RBFOX3: variants seen among roughly 807,000 people sequenced by gnomAD.
RBFOX3 encodes RNA binding fox-1 homolog 3, also known as RNA binding protein fox-1 homolog 3.
In RBFOX3, 17 loss-of-function variants were observed where a neutral mutation model predicts 48.7. That is an observed-to-expected ratio of 0.35 (90% CI 0.24 to 0.52). RBFOX3 has a LOEUF of 0.52. Among genes scored for constraint, RBFOX3 ranks in the 20% least tolerant of loss-of-function variants. The pLI is 0.94. For missense variants in RBFOX3, 382 were observed against 497.5 expected (o/e 0.77, Z 2.21); for synonymous variants, 212 against 209.5 (o/e 1.01, Z -0.10).
chr17:79,288,483 C>G (rs1228379640), intron 3 of RBFOX3, among the ~76,000 whole-genome samples: 4 of 152,210 alleles, frequency 2.6e-5, no homozygotes, highest in Admixed American at 2.0e-4. Flanking sequence ...TGCAGCCCCC[C>G]CCAGCCCGGC....
At chr17:79,305,017 G>C (rs1004462653) in intron 3 of RBFOX3, among the ~76,000 whole-genome samples, 57 of 152,320 alleles carry the variant, frequency 3.7e-4, no homozygotes, top group African/African-American at 1.3e-3. Flanking sequence ...CCCGTGCTTA[G>C]AGGGCCGGGT....
Position 79,249,578 on chromosome 17 carries a change from C to A in RBFOX3, c.-73-13773G>T, listed in dbSNP as rs9916701. On this transcript the variant is annotated intron_variant, in intron 3 of 14. Transcript: ENST00000693108. The surrounding 1 kb of genome is among the most constrained non-coding windows in gnomAD (Gnocchi z 4.1). Reference sequence around the variant, plus strand: ...GTCCCATGCTCCCGGAGACTGTTTACCTGTCCTAATCACCCCAGAGCCAGG... The same window carrying A: ...GTCCCATGCTCCCGGAGACTGTTTAACTGTCCTAATCACCCCAGAGCCAGG... 0.13 allele frequency among the ~76,000 whole-genome samples: 19,693 copies of A among 152,034 alleles called. 1,777 individuals are homozygous for A. Among genetic ancestry groups the A allele is most frequent in the African/African-American group, 0.26 (10,849 of 41,384 alleles).
chr17:79,508,956 G>C (rs1271207063), intron 1 of RBFOX3: 2 of 152,354 alleles, frequency 1.3e-5, no homozygotes, highest in Non-Finnish European at 2.9e-5. Context: ...GTCCACATCA[G>C]GCTCTCAACC....
intron 4 of RBFOX3, among the ~76,000 whole-genome samples, chr17:79,129,140 G>A (rs1448852566): frequency 6.6e-6 from 1 of 152,182 alleles, no homozygotes; most frequent in Non-Finnish European, 1.5e-5. Context: ...TGCTGCTGCT[G>A]ATGATGATAA....
rs1326645561 is a variant in RBFOX3, at chr17:79,115,919, G to A, written c.-33-171C>T. Among the ~76,000 whole-genome samples the A allele has an allele frequency of 2.6e-5, 4 of 152,298 alleles. No individual in the cohort carries two copies. The South Asian group carries it at 6.2e-4, about 24-fold the overall frequency. On this transcript the variant is annotated intron_variant, in intron 4 of 14. Coordinates refer to ENST00000693108, the MANE Select transcript of RBFOX3 (RefSeq NM_001350451.2). ...ATGGGCACCAGCTCAGAGCAGGAGG[G>A]GGTGCTGCGCTGGGAATGCCGGGGA...
intron 14 of RBFOX3, among the ~76,000 whole-genome samples, chr17:79,093,974 G>C (rs76115454): frequency 2.5e-4 from 38 of 152,248 alleles, no homozygotes; most frequent in African/African-American, 8.7e-4. Flanking sequence ...GAAGCAACCG[G>C]TAACCCACAC....
chr17:79,123,743 T>C (rs538403503), intron 4 of RBFOX3, among the ~76,000 whole-genome samples: 1 of 152,236 alleles, frequency 6.6e-6, no homozygotes, highest in South Asian at 2.1e-4. Flanking sequence ...TGGGCAGCCA[T>C]TCCTATCGCA....
chr17:79,596,568 C>T (rs952214988), intron 1 of RBFOX3, among the ~76,000 whole-genome samples: 105 of 152,338 alleles, frequency 6.9e-4, no homozygotes, highest in African/African-American at 2.2e-3. Flanking sequence ...GCCACAAAGG[C>T]CCCTGCCCCC....
At chr17:79,151,349 A>T (rs2144819455) in intron 4 of RBFOX3, among the ~76,000 whole-genome samples, 1 of 144,108 alleles carries the variant, frequency 6.9e-6, no homozygotes, top group African/African-American at 2.6e-5. Context: ...GGGTCCAGAC[A>T]CGTTCGGTGT....
chr17:79,407,144 A>T (rs1402170914), intron 2 of RBFOX3, among the ~76,000 whole-genome samples: 2 of 152,242 alleles, frequency 1.3e-5, no homozygotes, highest in East Asian at 3.9e-4. Flanking sequence ...AGTAGCTGGG[A>T]CTACAGGCAC....
chr17:79,399,336 C>A (rs2062470199), intron 2 of RBFOX3, among the ~76,000 whole-genome samples: 1 of 152,230 alleles, frequency 6.6e-6, no homozygotes, highest in Admixed American at 6.5e-5. Flanking sequence ...GGCAAAGGTG[C>A]GTGCCCGCAC....
intron 3 of RBFOX3, among the ~76,000 whole-genome samples, chr17:79,251,641 C>T (rs1429145199): frequency 6.6e-6 from 1 of 152,178 alleles, no homozygotes; most frequent in Non-Finnish European, 1.5e-5. Context: ...ATGGCGCGGC[C>T]TCTGAACTTG....
intron 1 of RBFOX3, among the ~76,000 whole-genome samples, chr17:79,512,773 G>A (rs1220682953): frequency 1.3e-4 from 17 of 133,208 alleles, no homozygotes; most frequent in Middle Eastern, 5.3e-3. Flanking sequence ...ACACCCACCC[G>A]GATACGTGTT....
intron 2 of RBFOX3, among the ~76,000 whole-genome samples, chr17:79,343,223 C>CT (rs947828506): frequency 6.6e-6 from 1 of 152,024 alleles, no homozygotes; most frequent in Admixed American, 6.6e-5. Flanking sequence ...AGCTCAGTGG[C>CT]TTTTTTAAAA....
At chr17:79,217,291 G>A (rs2059182141) in intron 4 of RBFOX3, among the ~76,000 whole-genome samples, 1 of 152,196 alleles carries the variant, frequency 6.6e-6, no homozygotes, top group African/African-American at 2.4e-5. Context: ...GAAAAGCCAT[G>A]CCCATGGGAG....
At chr17:79,407,165 G>A (rs2063658484) in intron 2 of RBFOX3, among the ~76,000 whole-genome samples, 2 of 152,208 alleles carry the variant, frequency 1.3e-5, no homozygotes, top group African/African-American at 4.8e-5. Context: ...CCGCCGCCAT[G>A]CCCGGCAATT....
At chr17:79,345,667 T>C (rs1391603453) in intron 2 of RBFOX3, among the ~76,000 whole-genome samples, 1 of 152,240 alleles carries the variant, frequency 6.6e-6, no homozygotes, top group Non-Finnish European at 1.5e-5. Flanking sequence ...TGGGATGTTT[T>C]ATACTTTTCT....
chr17:79,550,689 A>G (rs2091053714), intron 1 of RBFOX3, among the ~76,000 whole-genome samples: 1 of 152,040 alleles, frequency 6.6e-6, no homozygotes, highest in Non-Finnish European at 1.5e-5. Flanking sequence ...AGGTAGGTGG[A>G]TGGGTAGATG....
intron 2 of RBFOX3, among the ~76,000 whole-genome samples, chr17:79,316,096 G>A (rs1222514218): frequency 1.3e-5 from 2 of 152,112 alleles, no homozygotes; most frequent in Non-Finnish European, 2.9e-5. Flanking sequence ...CAGGCTGGGA[G>A]CACCAGGGTA....
Sources: allele counts gnomAD v4.1 joint callset (sites outside exome capture counted in the v4.1 genomes callset), GRCh38; gene constraint gnomAD v4.1.1; non-coding constraint Gnocchi (gnomAD v3.1); transcripts MANE v1.5; gene names NCBI Gene and HGNC (gene_info 2026-07-23, HGNC 2026-07-21).